KATNAL1: variants seen among roughly 807,000 people sequenced by gnomAD.
KATNAL1 encodes katanin p60 ATPase-containing subunit A-like 1.
A neutral mutation model predicts 55.2 loss-of-function variants in KATNAL1; 32 were observed. The ratio of observed to expected loss-of-function variants is 0.58; its 90% CI spans 0.44 to 0.78. The LOEUF is 0.78. KATNAL1 is among the 30% of genes least tolerant of loss of function. The pLI is 0.00. For missense variants in KATNAL1, 466 were observed against 600.9 expected, an observed-to-expected ratio of 0.78 and a Z score of 2.35; for synonymous variants, 193 against 193.6, an observed-to-expected ratio of 1.00 and a Z score of 0.02.
chr13:30,284,279 C>A (rs1018337020), intron 1 of KATNAL1, among the ~76,000 whole-genome samples: 1 of 152,134 alleles, frequency 6.6e-6, no homozygotes, highest in Non-Finnish European at 1.5e-5. Flanking sequence ...AGAACACCCA[C>A]GGAAATAATA....
intron 1 of KATNAL1, among the ~76,000 whole-genome samples, chr13:30,292,176 C>A (rs1023756586): frequency 6.6e-6 from 1 of 152,164 alleles, no homozygotes; most frequent in Non-Finnish European, 1.5e-5. Flanking sequence ...AGTGCCAGAG[C>A]AATTCAATGA....
In KATNAL1 at chr13:30,264,608, C is replaced by A. The variant is rs1159996579; in HGVS notation, c.324-8993G>T. Reference sequence around the variant, plus strand: ...AAAAGAAGACATTTATGCAGCCAAACAACACATGAAAAAATGCTCATCATC... The same window carrying A: ...AAAAGAAGACATTTATGCAGCCAAAAAACACATGAAAAAATGCTCATCATC... On this transcript the variant is annotated intron_variant, in intron 3 of 10. Transcript: ENST00000380615. 8.9e-4 allele frequency among the ~76,000 whole-genome samples: 132 copies of A among 148,866 alleles called. 2 individuals carry two copies. Among genetic ancestry groups the A allele is most frequent in the African/African-American group, 2.9e-3 (115 of 39,770 alleles).
chr13:30,253,021 A>G (rs1408555970), intron 4 of KATNAL1, among the ~76,000 whole-genome samples: 1 of 152,230 alleles, frequency 6.6e-6, no homozygotes, highest in Non-Finnish European at 1.5e-5. Flanking sequence ...TGCTGGGATT[A>G]CAGGCGTGAG....
At chr13:30,211,066 T>C (rs1324463540) in intron 9 of KATNAL1, among the ~76,000 whole-genome samples, 1 of 152,212 alleles carries the variant, frequency 6.6e-6, no homozygotes, top group Non-Finnish European at 1.5e-5. Flanking sequence ...TAACCAATCA[T>C]GCTTGCCATT....
At chr13:30,229,114 T>C (rs1410083192) in intron 8 of KATNAL1, among the ~76,000 whole-genome samples, 1 of 152,060 alleles carries the variant, frequency 6.6e-6, no homozygotes, top group Admixed American at 6.6e-5. Context: ...GAACGGCCTC[T>C]TGTCTACCAC....
intron 4 of KATNAL1, among the ~76,000 whole-genome samples, chr13:30,245,777 T>C (rs184769890): frequency 6.0e-4 from 92 of 152,282 alleles, no homozygotes; most frequent in African/African-American, 2.0e-3. Context: ...AGCCAAATCA[T>C]GAGTGAACTT....
intron 3 of KATNAL1, among the ~76,000 whole-genome samples, chr13:30,267,602 C>T (rs1333991931): frequency 6.6e-6 from 1 of 152,172 alleles, no homozygotes; most frequent in Non-Finnish European, 1.5e-5. Context: ...AGATAAGCCC[C>T]TCAAGAACTG....
Position 30,263,276 on chromosome 13 carries a change from A to G in KATNAL1, c.324-7661T>C, listed in dbSNP as rs574547896. 2.6e-5 allele frequency among the ~76,000 whole-genome samples: 4 copies of G among 152,326 alleles called. No homozygotes were observed. In the South Asian group the frequency reaches 6.2e-4, roughly 24 times the overall value. The stretch of plus-strand genomic sequence containing the variant: ...ACAGCCAATATCATACTGAATGGGC[A>G]AAAACTGGAAGCATTCCCTTTGAAA... On this transcript the variant is annotated intron_variant, in intron 3 of 10. Transcript: ENST00000380615.
At chr13:30,231,614 G>T in intron 6 of KATNAL1, 142 bp from the exon 7 acceptor site, 1 of 487,890 alleles carries the variant, frequency 2.0e-6, no homozygotes, top group Non-Finnish European at 3.4e-6. Context: ...GATGCATTTA[G>T]TAAGAGTATT....
Position 30,206,801 on chromosome 13 carries a change from C to T in KATNAL1, c.*1739G>A, listed in dbSNP as rs1045716248. 14 of 151,974 alleles carry T rather than the reference C, an allele frequency of 9.2e-5. No individual in the cohort carries two copies. Among genetic ancestry groups the T allele is most frequent in the African/African-American group, 3.4e-4 (14 of 41,362 alleles). 9.4% of individuals were successfully genotyped at this position (151,974 alleles called of 1,614,324 possible). A position where few individuals can be genotyped will look rare whatever the true frequency, so the allele number is the denominator to read the frequency against. On this transcript the variant is annotated 3_prime_UTR_variant, in exon 11 of 11. Coordinates refer to ENST00000380615, the MANE Select transcript of KATNAL1 (RefSeq NM_032116.5). ...GACTGGCAATAGTTTGCAAAATAATCGTAATGAAACTACTTATTTCTTTAT... is the reference window on the plus strand; with the variant it reads ...GACTGGCAATAGTTTGCAAAATAATTGTAATGAAACTACTTATTTCTTTAT...
At position 30,206,790 on chromosome 13, in the gene KATNAL1, T is replaced by C. The variant is rs936153221; in HGVS notation, c.*1750A>G. 2.0e-5 allele frequency: 3 copies of C among 152,172 alleles called. No homozygotes were observed. The highest frequency in any genetic ancestry group is 1.5e-5 in the Non-Finnish European group (1 of 68,014). 9.4% of individuals were successfully genotyped at this position (152,172 alleles called of 1,614,324 possible). On this transcript the variant is annotated 3_prime_UTR_variant, in exon 11 of 11. Transcript: ENST00000380615. ...AGTGCATTTCTGACTGGCAATAGTT[T>C]GCAAAATAATCGTAATGAAACTACT... is the stretch of plus-strand genomic sequence containing the variant.
intron 9 of KATNAL1, among the ~76,000 whole-genome samples, chr13:30,212,604 C>A (rs1372915547): frequency 6.6e-6 from 1 of 152,200 alleles, no homozygotes; most frequent in East Asian, 1.9e-4. Context: ...ATATTGAATT[C>A]ATCTATTAAT....
intron 3 of KATNAL1, among the ~76,000 whole-genome samples, chr13:30,274,898 C>CGCGCGTGCGCGCGCGCGT (rs1391836715): frequency 2.0e-5 from 2 of 99,186 alleles, no homozygotes; most frequent in African/African-American, 7.5e-5. Context: ...CATACGCGCG[C>CGCGCGTGCGCGCGCGCGT]GCGCGCGCGC....
intron 9 of KATNAL1, among the ~76,000 whole-genome samples, chr13:30,221,262 C>T (rs761968109): frequency 1.4e-4 from 21 of 152,158 alleles, no homozygotes; most frequent in Non-Finnish European, 2.8e-4. Flanking sequence ...ACCAAACTTG[C>T]CCCCTATGGT....
At chr13:30,296,267 T>G in intron 1 of KATNAL1, 1 of 1,190,874 alleles carries the variant, frequency 8.4e-7, no homozygotes, top group Middle Eastern at 2.1e-4. Context: ...CGTGGTCCTC[T>G]TTTTCTACCC....
intron 3 of KATNAL1, among the ~76,000 whole-genome samples, chr13:30,263,123 T>C (rs1215709591): frequency 2.0e-5 from 3 of 152,228 alleles, no homozygotes; most frequent in African/African-American, 7.2e-5. Flanking sequence ...AAAAACCACA[T>C]GATTATCTCA....
intron 8 of KATNAL1, 45 bp downstream of exon 8, chr13:30,230,423 T>C (rs377188841): frequency 2.8e-5 from 44 of 1,569,032 alleles, no homozygotes; most frequent in Non-Finnish European, 3.8e-5. Flanking sequence ...TTACACAAAA[T>C]ATTTAAAAAT....
chr13:30,221,185 T>C (rs1009583754), intron 9 of KATNAL1, among the ~76,000 whole-genome samples: 1 of 152,198 alleles, frequency 6.6e-6, no homozygotes, highest in Admixed American at 6.5e-5. Flanking sequence ...AAGGAATATG[T>C]TACAAAAATT....
chr13:30,304,265 A>G (rs1439257221), intron 1 of KATNAL1, among the ~76,000 whole-genome samples: 1 of 138,766 alleles, frequency 7.2e-6, no homozygotes, highest in Non-Finnish European at 1.6e-5. Flanking sequence ...CATACACACA[A>G]CTCTTTTTTT....
Sources: gnomAD v4.1 joint callset for allele counts (sites outside exome capture counted in the v4.1 genomes callset) on GRCh38, gnomAD v4.1.1 for gene constraint, MANE v1.5 for transcripts, NCBI Gene and HGNC (gene_info 2026-07-23, HGNC 2026-07-21) for gene names.